IRF2: variants seen among roughly 807,000 people sequenced by gnomAD.
IRF2 encodes interferon regulatory factor 2.
Under a neutral mutation model 40.6 loss-of-function variants are expected in IRF2, and 15 were observed. That is an observed-to-expected ratio of 0.37 (90% CI 0.25 to 0.57). The LOEUF (loss-of-function observed/expected upper bound fraction) is 0.57. Among genes scored for constraint, IRF2 ranks in the 20% least tolerant of loss-of-function variants. The pLI is 0.77. For synonymous variants in IRF2, 151 were observed against 165.5 expected (o/e 0.91, Z 0.67); for missense variants, 317 against 455.7 (o/e 0.70, Z 2.77).
At chr4:184,455,301 C>CTTTTTTTTTTT (rs1238177005) in intron 1 of IRF2, among the ~76,000 whole-genome samples, 3 of 31,928 alleles carry the variant, frequency 9.4e-5, no homozygotes, top group Non-Finnish European at 1.6e-4. Context: ...CCTTCTTCTT[C>CTTTTTTTTTTT]TTTTTTTTTT....
intron 1 of IRF2, among the ~76,000 whole-genome samples, chr4:184,437,047 G>C (rs1738105938): frequency 1.3e-5 from 2 of 152,090 alleles, no homozygotes; most frequent in South Asian, 4.2e-4. Context: ...ACTACACCCA[G>C]CTAATTTTTT....
chr4:184,426,109 A>G (rs1737664475), intron 2 of IRF2, among the ~76,000 whole-genome samples: 1 of 152,112 alleles, frequency 6.6e-6, no homozygotes, highest in Non-Finnish European at 1.5e-5. Context: ...TCAACCTCCC[A>G]GGTTCAAGTG....
At chr4:184,463,006 A>G (rs1034349800) in intron 1 of IRF2, among the ~76,000 whole-genome samples, 1 of 152,252 alleles carries the variant, frequency 6.6e-6, no homozygotes, top group African/African-American at 2.4e-5. Flanking sequence ...ATAACTTACC[A>G]CATAGGTGAT....
chr4:184,426,936 A>C (rs1379343585), intron 2 of IRF2, among the ~76,000 whole-genome samples: 1 of 152,206 alleles, frequency 6.6e-6, no homozygotes, highest in African/African-American at 2.4e-5. Context: ...AAAATGGAAA[A>C]TATTAACTGT....
chr4:184,409,527 C>A (rs922163858), intron 5 of IRF2, among the ~76,000 whole-genome samples: 24 of 152,306 alleles, frequency 1.6e-4, no homozygotes, highest in African/African-American at 4.8e-4. Context: ...TCCATCCCTA[C>A]CAGGCACGAT....
At chr4:184,469,517 A>T (rs1226646678) in intron 1 of IRF2, among the ~76,000 whole-genome samples, 1 of 152,154 alleles carries the variant, frequency 6.6e-6, no homozygotes, top group Non-Finnish European at 1.5e-5. Flanking sequence ...TCTCTACACA[A>T]AAATGTATGT....
intron 1 of IRF2, among the ~76,000 whole-genome samples, chr4:184,466,740 C>T (rs901810397): frequency 1.3e-5 from 2 of 152,162 alleles, no homozygotes; most frequent in African/African-American, 4.8e-5. Flanking sequence ...CACCATTAAG[C>T]AATTTTGTCA....
chr4:184,420,093 C>T (rs1357867600), intron 2 of IRF2, among the ~76,000 whole-genome samples: 1 of 152,202 alleles, frequency 6.6e-6, no homozygotes, highest in Non-Finnish European at 1.5e-5. Context: ...GTCTCGAACT[C>T]CTGACCTCAA....
intron 1 of IRF2, among the ~76,000 whole-genome samples, chr4:184,461,684 G>GCCCC (rs1554017760): frequency 2.5e-5 from 1 of 40,744 alleles, no homozygotes; most frequent in African/African-American, 8.1e-5. Context: ...TCCTCTACCC[G>GCCCC]CCCCCCCACC....
intron 1 of IRF2, among the ~76,000 whole-genome samples, chr4:184,464,496 T>C (rs71622963): frequency 0.025 from 3,796 of 152,294 alleles, 67 homozygotes; most frequent in Non-Finnish European, 0.042. Flanking sequence ...AGATAGGGAC[T>C]ATACAGGACA....
intron 1 of IRF2, among the ~76,000 whole-genome samples, chr4:184,432,351 T>G (rs904713748): frequency 2.0e-5 from 3 of 152,238 alleles, no homozygotes; most frequent in Non-Finnish European, 2.9e-5. Context: ...CAGACAAGTG[T>G]TCTTTTCACA....
At chr4:184,409,898 T>C (rs1456591366) in intron 5 of IRF2, among the ~76,000 whole-genome samples, 1 of 141,274 alleles carries the variant, frequency 7.1e-6, no homozygotes. Flanking sequence ...GCCTGATTCT[T>C]AAAGACAAAA....
At chr4:184,421,146 A>G (rs1737467650) in intron 2 of IRF2, among the ~76,000 whole-genome samples, 1 of 152,246 alleles carries the variant, frequency 6.6e-6, no homozygotes, top group Admixed American at 6.5e-5. Flanking sequence ...TCAGTCTCAC[A>G]TAGTGAAACA....
intron 1 of IRF2, among the ~76,000 whole-genome samples, chr4:184,471,453 T>C (rs1739511214): frequency 2.0e-5 from 3 of 152,236 alleles, no homozygotes; most frequent in South Asian, 4.1e-4. Context: ...ACATAAATTC[T>C]CTTGTCTGCG....
At chr4:184,471,813 A>T (rs1739522907) in intron 1 of IRF2, 1 of 152,214 alleles carries the variant, frequency 6.6e-6, no homozygotes, top group Non-Finnish European at 1.5e-5. Flanking sequence ...GTTTGCCATA[A>T]TTTGCTTCCA....
intron 7 of IRF2, among the ~76,000 whole-genome samples, chr4:184,392,429 A>G (rs748008193): frequency 3.3e-5 from 5 of 152,334 alleles, no homozygotes; most frequent in Admixed American, 6.5e-5. Flanking sequence ...AGGGAGCCCT[A>G]TGGGTCAGTG....
At chr4:184,449,209 C>T (rs1738626097) in intron 1 of IRF2, among the ~76,000 whole-genome samples, 1 of 152,222 alleles carries the variant, frequency 6.6e-6, no homozygotes, top group Non-Finnish European at 1.5e-5. Context: ...AGACTCTCAT[C>T]ATTCCACTGC....
chr4:184,389,213 A>C (rs952471706), intron 8 of IRF2, 147 bp from the exon 9 acceptor site: 4 of 750,190 alleles, frequency 5.3e-6, no homozygotes, highest in Non-Finnish European at 4.5e-6. Flanking sequence ...TAACCTCAGG[A>C]GTTTGAGACC....
intron 2 of IRF2, among the ~76,000 whole-genome samples, chr4:184,428,165 C>CAGGT: frequency 6.6e-6 from 1 of 152,164 alleles, no homozygotes; most frequent in African/African-American, 2.4e-5. Flanking sequence ...AAATGACTGG[C>CAGGT]TGCTTTCTTA....
Sources: gnomAD v4.1 joint callset for allele counts (sites outside exome capture counted in the v4.1 genomes callset) on GRCh38, gnomAD v4.1.1 for gene constraint, MANE v1.5 for transcripts, NCBI Gene and HGNC (gene_info 2026-07-23, HGNC 2026-07-21) for gene names.